Variants in ABTB3 observed in about 807,000 individuals in gnomAD.
ABTB3 encodes the protein ankyrin repeat- and BTB/POZ domain-containing protein 3.
chr12:107,595,980 G>A, the ABTB3 span, among the ~76,000 whole-genome samples: 6 of 151,778 alleles, frequency 4.0e-5, no homozygotes, highest in East Asian at 1.9e-4. Flanking sequence ...TAAATATTGT[G>A]TGTGTATATA....
chr12:107,586,857 G>A, the ABTB3 span, among the ~76,000 whole-genome samples: 1 of 152,236 alleles, frequency 6.6e-6, no homozygotes, highest in Admixed American at 6.5e-5. Context: ...GACTGCTCTA[G>A]AGAGGTCAGT....
the ABTB3 span, among the ~76,000 whole-genome samples, chr12:107,406,489 C>T: frequency 6.6e-6 from 1 of 152,200 alleles, no homozygotes; most frequent in South Asian, 2.1e-4. Context: ...GTTAGTCCCA[C>T]CATCCCAGGA....
chr12:107,580,961 C>A, the ABTB3 span: 12 of 1,551,676 alleles, frequency 7.7e-6, no homozygotes. Flanking sequence ...GTCACCGGTG[C>A]GGTCCGGATG....
chr12:107,535,763 C>T, the ABTB3 span, among the ~76,000 whole-genome samples: 1 of 151,876 alleles, frequency 6.6e-6, no homozygotes, highest in Non-Finnish European at 1.5e-5. Flanking sequence ...GAATTGAACA[C>T]AGAAAATGGA....
At chr12:107,319,828 G>C in the ABTB3 span, 129 of 1,261,452 alleles carry the variant, frequency 1.0e-4, no homozygotes, top group East Asian at 4.0e-3. Context: ...GAGGAGCGGC[G>C]AGCGGCGGCG....
the ABTB3 span, chr12:107,658,101 G>T: frequency 5.4e-6 from 1 of 185,222 alleles, no homozygotes; most frequent in African/African-American, 2.3e-5. Context: ...ACACATTAAG[G>T]ACCTTGGTAG....
the ABTB3 span, chr12:107,640,416 A>G: frequency 6.5e-7 from 1 of 1,539,642 alleles, no homozygotes; most frequent in Non-Finnish European, 8.9e-7. Context: ...TCTCCAAGGT[A>G]CGTATCATCG....
the ABTB3 span, among the ~76,000 whole-genome samples, chr12:107,642,455 A>G: frequency 0.42 from 63,480 of 152,002 alleles, 13,824 homozygotes; most frequent in Middle Eastern, 0.5. Flanking sequence ...GGGCGGGGAC[A>G]GTGACTGAGT....
At chr12:107,646,626 T>A in the ABTB3 span, among the ~76,000 whole-genome samples, 1 of 152,116 alleles carries the variant, frequency 6.6e-6, no homozygotes, top group South Asian at 2.1e-4. Context: ...GACAAGCAGA[T>A]GGTCACAAGA....
the ABTB3 span, among the ~76,000 whole-genome samples, chr12:107,369,636 C>T: frequency 4.0e-5 from 6 of 150,104 alleles, no homozygotes; most frequent in African/African-American, 9.8e-5. Flanking sequence ...TGACCTCAGA[C>T]GATCCACCCT....
chr12:107,606,712 G>A, the ABTB3 span, among the ~76,000 whole-genome samples: 1 of 152,170 alleles, frequency 6.6e-6, no homozygotes, highest in Non-Finnish European at 1.5e-5. Context: ...CAAGAAAGGA[G>A]GTCTTGCTTT....
chr12:107,588,465 G>A, the ABTB3 span, among the ~76,000 whole-genome samples: 17 of 152,282 alleles, frequency 1.1e-4, no homozygotes, highest in Middle Eastern at 3.4e-3. Context: ...AAACAAATGC[G>A]GCACAGGACA....
chr12:107,494,801 C>T, the ABTB3 span, among the ~76,000 whole-genome samples: 9 of 152,318 alleles, frequency 5.9e-5, no homozygotes, highest in African/African-American at 1.4e-4. Context: ...GCGCTGCAGC[C>T]GCCTGTTCTC....
chr12:107,406,530 A>G, the ABTB3 span, among the ~76,000 whole-genome samples: 1 of 152,060 alleles, frequency 6.6e-6, no homozygotes, highest in Non-Finnish European at 1.5e-5. Flanking sequence ...GAGCCCAGGA[A>G]CCTCACCATG....
At chr12:107,602,932 G>A in the ABTB3 span, among the ~76,000 whole-genome samples, 1 of 152,190 alleles carries the variant, frequency 6.6e-6, no homozygotes, top group Non-Finnish European at 1.5e-5. Context: ...TCTCGGGGCT[G>A]GGGCACTTGA....
chr12:107,396,275 A>C, the ABTB3 span, among the ~76,000 whole-genome samples: 1 of 152,164 alleles, frequency 6.6e-6, no homozygotes, highest in South Asian at 2.1e-4. Context: ...CCTGCCACTC[A>C]CAGCTTCTGC....
At chr12:107,397,270 G>A in the ABTB3 span, among the ~76,000 whole-genome samples, 7 of 152,072 alleles carry the variant, frequency 4.6e-5, no homozygotes, top group Admixed American at 3.3e-4. Context: ...CATTCCCACC[G>A]GTCCTTGGTA....
the ABTB3 span, among the ~76,000 whole-genome samples, chr12:107,550,714 G>T: frequency 3.3e-5 from 5 of 151,382 alleles, no homozygotes; most frequent in Admixed American, 6.6e-5. Context: ...CCAAATAGCT[G>T]GGACTACAGG....
At chr12:107,603,235 G>A in the ABTB3 span, among the ~76,000 whole-genome samples, 1 of 152,176 alleles carries the variant, frequency 6.6e-6, no homozygotes, top group Non-Finnish European at 1.5e-5. Flanking sequence ...ATATGCTACA[G>A]GAACTTTTTT....
Sources: allele counts gnomAD v4.1 joint callset (sites outside exome capture counted in the v4.1 genomes callset), GRCh38; gene constraint gnomAD v4.1.1; transcripts MANE v1.5; gene names NCBI Gene and HGNC (gene_info 2026-07-23, HGNC 2026-07-21).